The following MUC3A variants were observed in gnomAD, a reference collection of about 807,000 sequenced individuals.
MUC3A encodes mucin-3A.
MUC3A carries 109 observed loss-of-function variants against 109.0 expected under a neutral mutation model. The observed-to-expected ratio is 1.00, with a 90% CI of 0.86 to 1.17. MUC3A has a LOEUF of 1.17. MUC3A is among the 50% of genes most tolerant of loss of function. MUC3A has a pLI of 0.00. For missense variants in MUC3A, 3,537 were observed against 2,469.4 expected (o/e 1.43, Z -9.16); for synonymous variants, 1,398 against 981.4 (o/e 1.42, Z -7.93).
Position 100,952,157 on chromosome 7 carries a change from T to A in MUC3A, c.378T>A (p.Thr126=). 6.3e-7 allele frequency: 1 copy of A among 1,598,492 alleles called. No individual in the cohort carries two copies. The highest frequency in any genetic ancestry group is 8.5e-7 in the Non-Finnish European group (1 of 1,179,728). The change falls in exon 2 of 12, where the codon ACT becomes ACA. Residue 126 remains threonine, a synonymous_variant. Coordinates refer to ENST00000379458, the MANE Select transcript of MUC3A (RefSeq NM_005960.2). ...CCGTGTTGGTCTATTCAGCCACCAC[T>A]GAGTGCGTGTATCCAACGAGCTTTA... ...PPTVLVYSAT[T]ECVYPTSFII... is the part of the protein sequence containing the mutation.
Position 100,967,156 on chromosome 7 carries a change from A to C in MUC3A, c.9966A>C (p.Ser3322=). Residue 3322 remains serine (S), a synonymous_variant, in exon 12 of 12, where the codon TCA becomes TCC. Coordinates refer to ENST00000379458, the MANE Select transcript of MUC3A (RefSeq NM_005960.2). ...AGAGACCCGAGATGACCTCGTCCTCAGTGTGAGCCCTGCGGGGCCCCTTCA... is the reference window on the plus strand; with the variant it reads ...AGAGACCCGAGATGACCTCGTCCTCCGTGTGAGCCCTGCGGGGCCCCTTCA... The part of the protein sequence containing the change: ...HIKRPEMTSS[S]V 4 of 1,598,546 alleles carry C rather than the reference A, an allele frequency of 2.5e-6. No individual in the cohort carries two copies. Among genetic ancestry groups the C allele is most frequent in the Non-Finnish European group, 3.4e-6 (4 of 1,179,820 alleles).
chr7:100,958,471 C>A lies in MUC3A; in HGVS notation c.6692C>A (p.Thr2231Asn). 7.4e-7 allele frequency: 1 copy of A among 1,343,514 alleles called. No individual in the cohort carries two copies. The highest frequency in any genetic ancestry group is 1.1e-6 in the Non-Finnish European group (1 of 949,772). The allele number at this position is 1,343,514 out of a possible 1,614,324, so 83.2% of individuals were successfully genotyped here. A position where few individuals can be genotyped will look rare whatever the true frequency, so the allele number is the denominator to read the frequency against. Residue 2231 changes from threonine (T) to asparagine (N), a missense_variant, in exon 2 of 12, where the codon ACC (threonine) becomes AAC (asparagine). Coordinates refer to ENST00000379458, the MANE Select transcript of MUC3A (RefSeq NM_005960.2). ...AGTTCTTCGATCACCACCACTGAGA[C>A]CACATCCCACAGTACTCCCGGCTTC... is the stretch of plus-strand genomic sequence containing the variant. Reference protein sequence around the residue: ...SFSSSITTTETTSHSTPGFTS... With the variant: ...SFSSSITTTENTSHSTPGFTS...
chr7:100,965,739 G>A lies in MUC3A; in HGVS notation c.9484G>A (p.Glu3162Lys), dbSNP rs770968650. Residue 3162 changes from glutamate (E) to lysine (K), a missense_variant, in exon 8 of 12, where the codon GAG becomes AAG. Physicochemically the swap from Glu to Lys is moderately conservative, Grantham distance 56. Coordinates refer to ENST00000379458, the MANE Select transcript of MUC3A (RefSeq NM_005960.2). The stretch of plus-strand genomic sequence containing the variant: ...CCGCGCCGCTCCCACGGGCTATGAA[G>A]AGTTCTACTTCCCCTTGGTGGAGGC... ...CRRAAPTGYEEFYFPLVEATR... is the reference protein window; with the variant it reads ...CRRAAPTGYEKFYFPLVEATR... 2.5e-6 allele frequency: 4 copies of A among 1,598,384 alleles called. No homozygotes were observed. The highest frequency in any genetic ancestry group is 3.4e-6 in the Non-Finnish European group (4 of 1,179,758).
At position 100,953,983 on chromosome 7, in the gene MUC3A, C is replaced by A; in HGVS notation, c.2204C>A (p.Thr735Lys). 1 of 461,006 alleles carries A rather than the reference C, an allele frequency of 2.2e-6. No individual in the cohort carries two copies. Among genetic ancestry groups the A allele is most frequent in the Non-Finnish European group, 3.8e-6 (1 of 262,792 alleles). 28.6% of individuals were successfully genotyped at this position (461,006 alleles called of 1,614,324 possible). A position where few individuals can be genotyped will look rare whatever the true frequency, so the allele number is the denominator to read the frequency against. ...EITYPTTMTE[T>K]SSTATSLPPT... ...ACCTATCCCACCACTATGACAGAGA[C>A]ATCATCCACTGCCACCTCTCTTCCA... Residue 735 changes from threonine (T) to lysine (K), a missense_variant, in exon 2 of 12, where the codon ACA becomes AAA. Thr to Lys is a moderately conservative substitution (Grantham distance 78). Transcript: ENST00000379458.
In MUC3A at chr7:100,960,821, G is replaced by T. The variant is rs751975080; in HGVS notation, c.8936G>T (p.Arg2979Leu). ...TGCCTTCCGGGGTTTTCTGGGGACC[G>T]CTGTCAGCTCCAGACCAGATGCCAG... ...CACLPGFSGD[R>L]CQLQTRCQNG... The change falls in exon 3 of 12, where the codon CGC becomes CTC. Residue 2979 changes from arginine (R) to leucine (L), a missense_variant. Arg to Leu is a moderately radical substitution (Grantham distance 102). Coordinates refer to ENST00000379458, the MANE Select transcript of MUC3A (RefSeq NM_005960.2). The T allele has an allele frequency of 1.3e-6, 2 of 1,598,524 alleles. No homozygotes were observed. The highest frequency in any genetic ancestry group is 2.2e-5 in the East Asian group (1 of 44,892).
rs746061131 is a variant in MUC3A at position 100,960,357 on chromosome 7, G to C, written c.8578G>C (p.Val2860Leu). 3 of 1,598,430 alleles carry C rather than the reference G, an allele frequency of 1.9e-6. No individual in the cohort carries two copies. Among genetic ancestry groups the C allele is most frequent in the Non-Finnish European group, 2.5e-6 (3 of 1,179,836 alleles). ...TGTGTVPTNT[V>L]FTSTRLPTSE... ...CACTGGGACTGTACCCACAAACACAGTTTTCACAAGTACTCGACTGCCCAC... is the reference window on the plus strand; with the variant it reads ...CACTGGGACTGTACCCACAAACACACTTTTCACAAGTACTCGACTGCCCAC... The change falls in exon 2 of 12, where the codon GTT becomes CTT. Residue 2860 changes from valine to leucine, a missense_variant. By Grantham distance (32) the Val-to-Leu change is conservative (BLOSUM62 1). Coordinates refer to ENST00000379458, the MANE Select transcript of MUC3A (RefSeq NM_005960.2).
intron 5 of MUC3A, 166 bp from the exon 6 acceptor site, chr7:100,964,529 T>A (rs1239424125): frequency 8.6e-7 from 1 of 1,164,150 alleles, no homozygotes. Context: ...GCAGACCAAG[T>A]CAGGAATGCT....
chr7:100,951,323 GT>G (rs1261995115), intron 1 of MUC3A, among the ~76,000 whole-genome samples: 9 of 152,302 alleles, frequency 5.9e-5, no homozygotes, highest in African/African-American at 2.2e-4. Flanking sequence ...CTGTCTCCTG[GT>G]TTTTGTGATG....
In MUC3A at chr7:100,955,881, C is replaced by G; in HGVS notation, c.4102C>G (p.Pro1368Ala). 2.1e-6 allele frequency: 1 copy of G among 472,582 alleles called. No individual in the cohort carries two copies. Among genetic ancestry groups the G allele is most frequent in the Admixed American group, 3.5e-5 (1 of 28,364 alleles). The allele number at this position is 472,582 out of a possible 1,614,324, so 29.3% of individuals were successfully genotyped here. A position where few individuals can be genotyped will look rare whatever the true frequency, so the allele number is the denominator to read the frequency against. ...ATFLETTTLT[P>A]TTDFSTESLT... ...ATTCCTTGAGACCACCACACTGACT[C>G]CTACAACTGACTTTTCTACAGAATC... The change falls in exon 2 of 12, where the codon CCT (proline) becomes GCT (alanine). Residue 1368 changes from proline (P) to alanine (A), a missense_variant. Transcript: ENST00000379458.
In MUC3A at chr7:100,958,685, C is replaced by T. The variant is rs375674599; in HGVS notation, c.6906C>T (p.His2302=). The T allele has an allele frequency of 1.9e-6, 3 of 1,587,992 alleles. No individual in the cohort carries two copies. Among genetic ancestry groups the T allele is most frequent in the Non-Finnish European group, 2.6e-6 (3 of 1,173,218 alleles). The stretch of plus-strand genomic sequence containing the variant: ...TCACCACCACCAAGACCACCTCACA[C>T]AGTACTCCCAGCTTCACTTCTTCGA... ...SLITTTKTTS[H]STPSFTSSIT... The change falls in exon 2 of 12, where the codon CAC becomes CAT. Residue 2302 remains histidine (H), a synonymous_variant. Coordinates refer to ENST00000379458, the MANE Select transcript of MUC3A (RefSeq NM_005960.2).
Position 100,959,055 on chromosome 7 carries a change from T to C in MUC3A, c.7276T>C (p.Phe2426Leu), listed in dbSNP as rs754331349. 2 of 1,591,934 alleles carry C rather than the reference T, an allele frequency of 1.3e-6. No individual in the cohort carries two copies. Among genetic ancestry groups the C allele is most frequent in the Admixed American group, 1.7e-5 (1 of 59,666 alleles). The change falls in exon 2 of 12, where the codon TTC (phenylalanine) becomes CTC (leucine). Residue 2426 changes from phenylalanine (F) to leucine (L), a missense_variant. By Grantham distance (22) the Phe-to-Leu change is conservative. Coordinates refer to ENST00000379458, the MANE Select transcript of MUC3A (RefSeq NM_005960.2). The stretch of plus-strand genomic sequence containing the variant: ...GACTACCTCACACAGTACTCCTGGC[T>C]TCACTTCTTCAATCACCACCACTGA... Reference protein sequence around the residue: ...TETTSHSTPGFTSSITTTETT... With the variant: ...TETTSHSTPGLTSSITTTETT...
In MUC3A at chr7:100,968,113, C is replaced by T. The variant is rs1792704390; in HGVS notation, c.*951C>T. 6.5e-6 allele frequency: 1 copy of T among 153,594 alleles called. No individual in the cohort carries two copies. The highest frequency in any genetic ancestry group is 1.5e-5 in the Non-Finnish European group (1 of 68,938). 9.5% of individuals were successfully genotyped at this position (153,594 alleles called of 1,614,324 possible). On this transcript the variant is annotated 3_prime_UTR_variant, in exon 12 of 12. Coordinates refer to ENST00000379458, the MANE Select transcript of MUC3A (RefSeq NM_005960.2). ...AGGAAAGGCAGCCCCCTCAGTCTCC[C>T]TCCTCCTCATTTCCTTCGATCCCCC...
At position 100,951,932 on chromosome 7, in the gene MUC3A, A is replaced by C; in HGVS notation, c.153A>C (p.Arg51Ser). 3.8e-6 allele frequency: 6 copies of C among 1,598,624 alleles called. No homozygotes were observed. Among genetic ancestry groups the C allele is most frequent in the Non-Finnish European group, 5.1e-6 (6 of 1,179,790 alleles). The change falls in exon 2 of 12, where the codon AGA becomes AGC. Residue 51 changes from arginine (R) to serine (S), a missense_variant. Arg to Ser is a moderately radical substitution (Grantham distance 110, BLOSUM62 -1). Transcript: ENST00000379458. ...TGCTCAGCAATTCTCCACACTCCAGAGACCTGGCTGGGTGGCCACTTGGTG... is the reference window on the plus strand; with the variant it reads ...TGCTCAGCAATTCTCCACACTCCAGCGACCTGGCTGGGTGGCCACTTGGTG... The part of the protein sequence containing the change: ...SAVLSNSPHS[R>S]DLAGWPLGVP...
rs1011157700 is a variant in MUC3A, at chr7:100,953,296, C to G, written c.1517C>G (p.Thr506Ser). Residue 506 changes from threonine to serine, a missense_variant, in exon 2 of 12, where the codon ACT becomes AGT. By Grantham distance (58) the Thr-to-Ser change is moderately conservative (BLOSUM62 1). Transcript: ENST00000379458. ...TSSLVSMTSA[T>S]TPNVRPTFVS... is the part of the protein sequence containing the mutation. ...TCCCTTGTCAGCATGACCTCTGCCA[C>G]TACTCCCAATGTGAGACCAACTTTT... The G allele has an allele frequency of 8.0e-6, 3 of 375,604 alleles. No individual in the cohort carries two copies. Among genetic ancestry groups the G allele is most frequent in the Non-Finnish European group, 9.0e-6 (2 of 223,186 alleles). 23.3% of individuals were successfully genotyped at this position (375,604 alleles called of 1,614,324 possible). A position where few individuals can be genotyped will look rare whatever the true frequency, so the allele number is the denominator to read the frequency against.
Position 100,958,890 on chromosome 7 carries a change from A to G in MUC3A, c.7111A>G (p.Ser2371Gly), listed in dbSNP as rs547276534. 1 of 1,594,420 alleles carries G rather than the reference A, an allele frequency of 6.3e-7. No individual in the cohort carries two copies. Among genetic ancestry groups the G allele is most frequent in the Non-Finnish European group, 8.5e-7 (1 of 1,177,280 alleles). ...CACCACCACCGAGACCACCTCACAC[A>G]GTACTCCCAGCTTCAGTTCTTCAAT... ...SITTTETTSH[S>G]TPSFSSSITT... Residue 2371 changes from serine to glycine, a missense_variant, in exon 2 of 12, where the codon AGT becomes GGT. By Grantham distance (56) the Ser-to-Gly change is moderately conservative. Transcript: ENST00000379458.
chr7:100,957,520 C>A lies in MUC3A; in HGVS notation c.5741C>A (p.Thr1914Asn), dbSNP rs1487811820. Residue 1914 changes from threonine to asparagine, a missense_variant, in exon 2 of 12, where the codon ACC (threonine) becomes AAC (asparagine). Thr to Asn is a moderately conservative substitution (Grantham distance 65). Coordinates refer to ENST00000379458, the MANE Select transcript of MUC3A (RefSeq NM_005960.2). ...AGCTTCACTTCTTCAATCGCAACCACCGAGACCCCCTCACACAGTACTCCC... is the reference window on the plus strand; with the variant it reads ...AGCTTCACTTCTTCAATCGCAACCAACGAGACCCCCTCACACAGTACTCCC... Reference protein sequence around the residue: ...TPSFTSSIATTETPSHSTPRF... With the variant: ...TPSFTSSIATNETPSHSTPRF... 110 of 1,440,278 alleles carry A rather than the reference C, an allele frequency of 7.6e-5. 1 individual carries two copies. In the South Asian group the frequency reaches 1.5e-3, roughly 20 times the overall value. The allele number at this position is 1,440,278 out of a possible 1,614,324, so 89.2% of individuals were successfully genotyped here. A position where few individuals can be genotyped will look rare whatever the true frequency, so the allele number is the denominator to read the frequency against.
rs747542070 is a variant in MUC3A, at chr7:100,959,328, A to G, written c.7549A>G (p.Ser2517Gly). The change falls in exon 2 of 12, where the codon AGT becomes GGT. Residue 2517 changes from serine to glycine, a missense_variant. Coordinates refer to ENST00000379458, the MANE Select transcript of MUC3A (RefSeq NM_005960.2). ...TDFPSIPTDISTLPTRTHIIS... is the reference protein window; with the variant it reads ...TDFPSIPTDIGTLPTRTHIIS... The stretch of plus-strand genomic sequence containing the variant: ...CTTTCCCTCTATACCCACTGATATC[A>G]GTACCTTACCAACTCGAACACACAT... The G allele has an allele frequency of 7.0e-6, 11 of 1,562,900 alleles. No individual in the cohort carries two copies. In the African/African-American group the frequency reaches 8.1e-5, roughly 11 times the overall value.
In MUC3A at chr7:100,956,327, A is replaced by AACC. The variant is rs1584802055; in HGVS notation, c.4559_4561dup (p.Thr1520dup). 5.0e-6 allele frequency: 3 copies of AACC among 603,562 alleles called. No individual in the cohort carries two copies. The highest frequency in any genetic ancestry group is 2.6e-5 in the Admixed American group (1 of 38,734). The allele number at this position is 603,562 out of a possible 1,614,324, so 37.4% of individuals were successfully genotyped here. On this transcript the variant is annotated inframe_insertion, in exon 2 of 12. Coordinates refer to ENST00000379458, the MANE Select transcript of MUC3A (RefSeq NM_005960.2). ...CCAAAACTCCTACCACAAACTTGGT[A>AACC]ACCACCACCACCAAGACCACCTCAC...
chr7:100,962,119 C>T, intron 3 of MUC3A, among the ~76,000 whole-genome samples: 1 of 99,802 alleles, frequency 1.0e-5, no homozygotes, highest in Non-Finnish European at 2.3e-5. Context: ...GTAGTCCCAG[C>T]TACTTGGGAG....
Sources: gnomAD v4.1 joint callset for allele counts (sites outside exome capture counted in the v4.1 genomes callset) on GRCh38, gnomAD v4.1.1 for gene constraint, MANE v1.5 for transcripts, NCBI Gene and HGNC (gene_info 2026-07-23, HGNC 2026-07-21) for gene names.